The following NCAM2 variants were observed in gnomAD, a reference collection of about 807,000 sequenced individuals.
The protein encoded by NCAM2 is neural cell adhesion molecule 2, also known as N-CAM-2.
A neutral mutation model predicts 98.1 loss-of-function variants in NCAM2; 30 were observed. That is an observed-to-expected ratio of 0.31 (90% CI 0.23 to 0.41). NCAM2 has a LOEUF of 0.41. Among genes scored for constraint, NCAM2 ranks in the 10% least tolerant of loss-of-function variants. The pLI, the probability that NCAM2 is intolerant of heterozygous loss-of-function variation, is 1.00. For missense variants in NCAM2, 867 were observed against 1,005.8 expected (o/e 0.86, Z 1.87); for synonymous variants, 368 against 342.4 (o/e 1.07, Z -0.83).
At chr21:21,031,626 G>A (rs779895778) in intron 1 of NCAM2, among the ~76,000 whole-genome samples, 2 of 152,222 alleles carry the variant, frequency 1.3e-5, no homozygotes, top group Non-Finnish European at 2.9e-5. Context: ...AAGCTGTAAA[G>A]TATGTCTCCA....
chr21:21,385,647 T>A, intron 9 of NCAM2: 1 of 1,287,604 alleles, frequency 7.8e-7, no homozygotes, highest in Non-Finnish European at 1.0e-6. Flanking sequence ...TTTTCAACAT[T>A]TCCGAGGCGT....
intron 1 of NCAM2, among the ~76,000 whole-genome samples, chr21:21,086,229 T>G (rs1429762797): frequency 6.6e-6 from 1 of 152,134 alleles, no homozygotes; most frequent in Admixed American, 6.5e-5. Context: ...GATGCTGAGA[T>G]AGCAATGGAT....
chr21:21,116,441 A>G (rs973707352), intron 1 of NCAM2, among the ~76,000 whole-genome samples: 6 of 152,194 alleles, frequency 3.9e-5, no homozygotes, highest in African/African-American at 1.2e-4. Flanking sequence ...ACAAGTAGAT[A>G]TGGCTGACGA....
At chr21:21,411,350 C>A (rs974160749) in intron 10 of NCAM2, among the ~76,000 whole-genome samples, 21 of 149,380 alleles carry the variant, frequency 1.4e-4, no homozygotes, top group African/African-American at 5.2e-4. Flanking sequence ...TCTTTTCAGT[C>A]TGGCAGGTAT....
intron 6 of NCAM2, among the ~76,000 whole-genome samples, chr21:21,325,496 T>A (rs232470): frequency 0.68 from 103,754 of 152,034 alleles, 36,168 homozygotes; most frequent in Non-Finnish European, 0.77. Flanking sequence ...TTGTGTGTTT[T>A]GATGTTCTTT....
intron 1 of NCAM2, among the ~76,000 whole-genome samples, chr21:21,081,257 G>A (rs1051598107): frequency 1.3e-5 from 2 of 152,128 alleles, no homozygotes; most frequent in African/African-American, 4.8e-5. Context: ...GCACATGCTG[G>A]AGCTCACTCA....
At chr21:21,228,346 A>T (rs1167911934) in intron 1 of NCAM2, among the ~76,000 whole-genome samples, 6 of 151,646 alleles carry the variant, frequency 4.0e-5, no homozygotes, top group African/African-American at 1.4e-4. Context: ...ATGATACATT[A>T]GCAATTTTCT....
intron 8 of NCAM2, among the ~76,000 whole-genome samples, chr21:21,347,754 C>A (rs766983964): frequency 6.6e-6 from 1 of 151,986 alleles, no homozygotes; most frequent in African/African-American, 2.4e-5. Flanking sequence ...CAGCCAAATT[C>A]AACAACACAT....
At chr21:21,330,185 G>A (rs181100632) in intron 6 of NCAM2, among the ~76,000 whole-genome samples, 75 of 151,786 alleles carry the variant, frequency 4.9e-4, no homozygotes, top group African/African-American at 1.7e-3. Flanking sequence ...TTTTCCTCCT[G>A]TTTACTTTGT....
At chr21:21,161,655 C>A (rs2067789633) in intron 1 of NCAM2, among the ~76,000 whole-genome samples, 1 of 151,488 alleles carries the variant, frequency 6.6e-6, no homozygotes, top group Non-Finnish European at 1.5e-5. Context: ...AATATTTATG[C>A]AATATCCTGT....
intron 5 of NCAM2, among the ~76,000 whole-genome samples, chr21:21,308,059 G>A (rs34624857): frequency 0.5 from 64,000 of 129,112 alleles, 14,731 homozygotes; most frequent in South Asian, 0.58. Context: ...ACTGTGCTAT[G>A]CATACACACA....
At chr21:21,009,785 G>A (rs142382943) in intron 1 of NCAM2, among the ~76,000 whole-genome samples, 5 of 151,442 alleles carry the variant, frequency 3.3e-5, no homozygotes, top group Non-Finnish European at 5.9e-5. Context: ...GAAAATACTT[G>A]TTTTATCTTA....
intron 11 of NCAM2, among the ~76,000 whole-genome samples, chr21:21,424,614 A>G (rs943271293): frequency 3.9e-5 from 6 of 152,194 alleles, no homozygotes; most frequent in Non-Finnish European, 5.9e-5. Context: ...ATGCTCTGAA[A>G]GGATGGGACT....
Position 21,116,623 on chromosome 21 carries a change from G to C in NCAM2, c.55+118005G>C, listed in dbSNP as rs529322603. 1.7e-3 allele frequency among the ~76,000 whole-genome samples: 256 copies of C among 152,236 alleles called. 1 individual carries two copies. Among genetic ancestry groups the C allele is most frequent in the African/African-American group, 5.9e-3 (244 of 41,536 alleles). ...TAATCCCAGCACTTTGGGAGGCCGA[G>C]GCAGGTGGATCACGAGGTCAGGAGA... On this transcript the variant is annotated intron_variant, in intron 1 of 17. Coordinates refer to ENST00000400546, the MANE Select transcript of NCAM2 (RefSeq NM_004540.5).
intron 8 of NCAM2, among the ~76,000 whole-genome samples, chr21:21,342,579 A>C (rs1293908301): frequency 6.6e-6 from 1 of 152,170 alleles, no homozygotes; most frequent in Non-Finnish European, 1.5e-5. Context: ...AGAACATTTC[A>C]GAAGAATCAG....
intron 9 of NCAM2, among the ~76,000 whole-genome samples, chr21:21,380,897 T>A (rs232419): frequency 0.38 from 57,677 of 151,952 alleles, 11,288 homozygotes; most frequent in East Asian, 0.58. Flanking sequence ...TCATCAGAAT[T>A]AAATACCTCT....
rs571767252 is a variant in NCAM2 at position 21,451,480 on chromosome 21, A to G, written c.1655-15126A>G. On this transcript the variant is annotated intron_variant, in intron 12 of 17. Coordinates refer to ENST00000400546, the MANE Select transcript of NCAM2 (RefSeq NM_004540.5). Reference sequence around the variant, plus strand: ...CTTACCAAGATTTTTAAAAAATTCCATTGCAACAATTTATTTTATTCTAAG... The same window carrying G: ...CTTACCAAGATTTTTAAAAAATTCCGTTGCAACAATTTATTTTATTCTAAG... 6.6e-5 allele frequency among the ~76,000 whole-genome samples: 10 copies of G among 152,300 alleles called. No individual in the cohort carries two copies. The South Asian group carries it at 1.9e-3, about 28-fold the overall frequency.
chr21:21,091,470 A>T (rs554998605), intron 1 of NCAM2, among the ~76,000 whole-genome samples: 4 of 152,082 alleles, frequency 2.6e-5, no homozygotes, highest in African/African-American at 7.2e-5. Flanking sequence ...TTTTTAATAC[A>T]TATGTATTAG....
chr21:21,160,020 C>T (rs1339216404), intron 1 of NCAM2, among the ~76,000 whole-genome samples: 2 of 152,056 alleles, frequency 1.3e-5, no homozygotes, highest in Non-Finnish European at 1.5e-5. Flanking sequence ...AGTTTATGCT[C>T]ATCGCGTATT....
Sources: gnomAD v4.1 joint callset for allele counts (sites outside exome capture counted in the v4.1 genomes callset) on GRCh38, gnomAD v4.1.1 for gene constraint, MANE v1.5 for transcripts, NCBI Gene and HGNC (gene_info 2026-07-23, HGNC 2026-07-21) for gene names.